Variants in MRPS28 observed in about 807,000 individuals in gnomAD.
The protein encoded by MRPS28 is small ribosomal subunit protein bS1m.
MRPS28 carries 7 observed loss-of-function variants against 10.8 expected under a neutral mutation model. That is an observed-to-expected ratio of 0.65 (90% CI 0.37 to 1.22). The LOEUF is 1.22. Among genes scored for constraint, MRPS28 ranks in the 50% most tolerant of loss-of-function variants. MRPS28 has a pLI of 0.02. For synonymous variants in MRPS28, 121 were observed against 93.3 expected (o/e 1.30, Z -1.71); for missense variants, 265 against 232.9 (o/e 1.14, Z -0.90).
Position 80,002,946 on chromosome 8 carries a change from C to T in MRPS28, c.395+53G>A, listed in dbSNP as rs1451697948. On this transcript the variant is annotated intron_variant, in intron 2 of 2. Coordinates refer to ENST00000276585, the MANE Select transcript of MRPS28 (RefSeq NM_014018.3). Reference sequence around the variant, plus strand: ...CCTTTCATTCAACAATACTTTTGCGCTATCCCAACTTTTATGAATACTCTT... The same window carrying T: ...CCTTTCATTCAACAATACTTTTGCGTTATCCCAACTTTTATGAATACTCTT... 5.8e-6 allele frequency: 8 copies of T among 1,390,514 alleles called. No homozygotes were observed. In the Admixed American group the frequency reaches 1.8e-4, roughly 32 times the overall value. The allele number at this position is 1,390,514 out of a possible 1,614,324, so 86.1% of individuals were successfully genotyped here. A position where few individuals can be genotyped will look rare whatever the true frequency, so the allele number is the denominator to read the frequency against.
intron 2 of MRPS28, chr8:79,958,387 C>T (rs2129995125): frequency 1.4e-6 from 1 of 698,716 alleles, no homozygotes; most frequent in Middle Eastern, 2.3e-4. Context: ...AACAGGTTAT[C>T]ATCACTTGTG....
At chr8:80,015,239 T>C (rs1475042209) in intron 1 of MRPS28, among the ~76,000 whole-genome samples, 11 of 152,242 alleles carry the variant, frequency 7.2e-5, no homozygotes, top group Non-Finnish European at 1.2e-4. Context: ...TATTTTGAAA[T>C]ACATCAGAGC....
At chr8:80,017,807 T>C (rs1809235273) in intron 1 of MRPS28, among the ~76,000 whole-genome samples, 1 of 152,128 alleles carries the variant, frequency 6.6e-6, no homozygotes, top group Non-Finnish European at 1.5e-5. Context: ...AGACCAATAT[T>C]TCTCATGCAT....
intron 2 of MRPS28, among the ~76,000 whole-genome samples, chr8:79,984,155 G>A (rs200134171): frequency 1.3e-5 from 2 of 152,084 alleles, no homozygotes; most frequent in Non-Finnish European, 2.9e-5. Context: ...CAACCCAGAA[G>A]TTCATATCCA....
chr8:80,009,856 C>A (rs543329736), intron 1 of MRPS28, among the ~76,000 whole-genome samples: 1 of 152,040 alleles, frequency 6.6e-6, no homozygotes, highest in Non-Finnish European at 1.5e-5. Flanking sequence ...TAAAAAAATG[C>A]CTTCTAAATC....
intron 2 of MRPS28, among the ~76,000 whole-genome samples, chr8:79,988,949 GAGA>G (rs1183313919): frequency 6.6e-6 from 1 of 152,170 alleles, no homozygotes; most frequent in Non-Finnish European, 1.5e-5. Flanking sequence ...AAAAAGAACA[GAGA>G]AGTAGAAGGA....
chr8:79,969,973 A>G (rs898813600), intron 2 of MRPS28, among the ~76,000 whole-genome samples: 3 of 152,212 alleles, frequency 2.0e-5, no homozygotes, highest in Non-Finnish European at 4.4e-5. Flanking sequence ...GTGTTTATTG[A>G]GCAACTAATA....
chr8:79,949,395 C>T (rs1418029512), intron 2 of MRPS28, among the ~76,000 whole-genome samples: 1 of 143,202 alleles, frequency 7.0e-6, no homozygotes, highest in Non-Finnish European at 1.5e-5. Flanking sequence ...GCCTGGGCGA[C>T]AGAGTGAGAC....
At chr8:79,939,835 T>G (rs1806715100) in intron 2 of MRPS28, among the ~76,000 whole-genome samples, 1 of 151,972 alleles carries the variant, frequency 6.6e-6, no homozygotes, top group African/African-American at 2.4e-5. Flanking sequence ...CCGGGCATGG[T>G]GGCGGGCGCC....
chr8:80,008,969 T>C (rs1362350235), intron 1 of MRPS28, among the ~76,000 whole-genome samples: 1 of 152,220 alleles, frequency 6.6e-6, no homozygotes, highest in East Asian at 1.9e-4. Context: ...TAAACACACA[T>C]GCACACATAT....
intron 2 of MRPS28, among the ~76,000 whole-genome samples, chr8:79,970,714 C>T (rs1454119586): frequency 6.6e-6 from 1 of 152,150 alleles, no homozygotes; most frequent in Non-Finnish European, 1.5e-5. Flanking sequence ...CAGTGGGTGG[C>T]ATGAAACTAT....
At chr8:79,927,153 A>C (rs1324984859) in intron 2 of MRPS28, among the ~76,000 whole-genome samples, 1 of 152,244 alleles carries the variant, frequency 6.6e-6, no homozygotes, top group East Asian at 1.9e-4. Context: ...TCCATTATGA[A>C]AATTAAAGAG....
chr8:80,027,250 T>C (rs1402121904), intron 1 of MRPS28, among the ~76,000 whole-genome samples: 3 of 152,238 alleles, frequency 2.0e-5, no homozygotes, highest in Admixed American at 6.5e-5. Flanking sequence ...TACCAGTCAA[T>C]GTACTGAGAG....
intron 2 of MRPS28, among the ~76,000 whole-genome samples, chr8:79,931,065 C>G (rs1047859552): frequency 6.6e-6 from 1 of 151,732 alleles, no homozygotes; most frequent in Non-Finnish European, 1.5e-5. Flanking sequence ...TAATAAAATT[C>G]AAAAAAATAG....
intron 2 of MRPS28, among the ~76,000 whole-genome samples, chr8:79,957,576 G>C (rs1210016530): frequency 1.3e-5 from 2 of 151,580 alleles, no homozygotes; most frequent in Non-Finnish European, 2.9e-5. Flanking sequence ...AACTTAGTGA[G>C]GCATGGTGGT....
intron 1 of MRPS28, among the ~76,000 whole-genome samples, chr8:80,005,240 G>A (rs978620365): frequency 6.6e-6 from 1 of 152,154 alleles, no homozygotes; most frequent in Non-Finnish European, 1.5e-5. Flanking sequence ...CAGAGAGAAA[G>A]GTCAGGTTAC....
At chr8:79,983,319 G>A (rs546661044) in intron 2 of MRPS28, among the ~76,000 whole-genome samples, 168 of 152,088 alleles carry the variant, frequency 1.1e-3, no homozygotes, top group Non-Finnish European at 1.8e-3. Context: ...CCACAAAGAT[G>A]GGGAAAAAAC....
At chr8:79,961,809 A>G (rs1234443798) in intron 2 of MRPS28, among the ~76,000 whole-genome samples, 1 of 152,182 alleles carries the variant, frequency 6.6e-6, no homozygotes, top group Non-Finnish European at 1.5e-5. Context: ...TATGTGAAAC[A>G]CCAGCACTGA....
At chr8:79,919,677 A>G (rs1333038643) in intron 2 of MRPS28, among the ~76,000 whole-genome samples, 1 of 152,264 alleles carries the variant, frequency 6.6e-6, no homozygotes, top group Non-Finnish European at 1.5e-5. Flanking sequence ...TTAAAACCAC[A>G]GTAAACGGAA....
Sources: allele counts gnomAD v4.1 joint callset (sites outside exome capture counted in the v4.1 genomes callset), GRCh38; gene constraint gnomAD v4.1.1; transcripts MANE v1.5; gene names NCBI Gene and HGNC (gene_info 2026-07-23, HGNC 2026-07-21).